Variants in ACADSB observed in about 807,000 individuals in gnomAD.
ACADSB encodes short/branched chain specific acyl-CoA dehydrogenase, mitochondrial.
Under a neutral mutation model 54.1 loss-of-function variants are expected in ACADSB, and 40 were observed. That is an observed-to-expected ratio of 0.74 (90% CI 0.57 to 0.96). The LOEUF (loss-of-function observed/expected upper bound fraction) is 0.96, where lower values mean the gene tolerates loss of function less well. Among genes scored for constraint, ACADSB ranks in the 40% least tolerant of loss-of-function variants. The pLI is 0.00. For missense variants in ACADSB, 530 were observed against 510.4 expected, an observed-to-expected ratio of 1.04 and a Z score of -0.37; for synonymous variants, 182 against 182.8, an observed-to-expected ratio of 1.00 and a Z score of 0.03.
chr10:123,049,034 T>C (rs942002099), intron 8 of ACADSB, among the ~76,000 whole-genome samples: 6 of 152,206 alleles, frequency 3.9e-5, no homozygotes, highest in Non-Finnish European at 7.3e-5. Flanking sequence ...TTTTTAAAAA[T>C]TTTGTGGGTA....
chr10:123,013,141 A>G (rs1850060682), intron 1 of ACADSB, among the ~76,000 whole-genome samples: 1 of 152,140 alleles, frequency 6.6e-6, no homozygotes, highest in Non-Finnish European at 1.5e-5. Flanking sequence ...CCACCAGATT[A>G]GCTAGATACA....
At chr10:123,015,368 T>A (rs1352032509) in intron 1 of ACADSB, among the ~76,000 whole-genome samples, 1 of 152,224 alleles carries the variant, frequency 6.6e-6, no homozygotes, top group Non-Finnish European at 1.5e-5. Context: ...GTTGTTGTTG[T>A]TCCTCATGCC....
At chr10:123,013,932 GC>G (rs1210650660) in intron 1 of ACADSB, among the ~76,000 whole-genome samples, 1 of 152,234 alleles carries the variant, frequency 6.6e-6, no homozygotes, top group African/African-American at 2.4e-5. Flanking sequence ...GCCTTGGCCA[GC>G]CTAGAGAAGG....
intron 1 of ACADSB, among the ~76,000 whole-genome samples, chr10:123,012,805 A>G (rs1028974810): frequency 4.6e-5 from 7 of 152,182 alleles, no homozygotes; most frequent in Admixed American, 2.0e-4. Context: ...AGAGCTAAAG[A>G]ACAAAGCTTC....
chr10:123,025,187 C>T (rs548036396), intron 1 of ACADSB, among the ~76,000 whole-genome samples: 3 of 152,292 alleles, frequency 2.0e-5, no homozygotes, highest in South Asian at 2.1e-4. Flanking sequence ...CAGGCACAGT[C>T]GCTCATGTCT....
intron 7 of ACADSB, among the ~76,000 whole-genome samples, chr10:123,045,115 G>A (rs1462084684): frequency 2.6e-5 from 3 of 113,956 alleles, no homozygotes; most frequent in South Asian, 2.9e-4. Context: ...TTACTTTAGT[G>A]TCAGTTTTGT....
chr10:123,049,237 C>A (rs1850598056), intron 8 of ACADSB, among the ~76,000 whole-genome samples: 2 of 152,226 alleles, frequency 1.3e-5, no homozygotes, highest in South Asian at 4.1e-4. Flanking sequence ...TGCATTCGTT[C>A]ATATCTTTCT....
At chr10:123,035,483 A>G (rs1433549103) in intron 2 of ACADSB, among the ~76,000 whole-genome samples, 4 of 152,216 alleles carry the variant, frequency 2.6e-5, no homozygotes, top group African/African-American at 7.2e-5. Flanking sequence ...TATGGATGTT[A>G]AGTGTATTCG....
intron 2 of ACADSB, among the ~76,000 whole-genome samples, chr10:123,035,069 C>T (rs921009441): frequency 6.6e-6 from 1 of 152,108 alleles, no homozygotes; most frequent in Non-Finnish European, 1.5e-5. Flanking sequence ...CCTGCCTCAG[C>T]CTCCTGAGTA....
chr10:123,033,992 G>A (rs1046850414), intron 1 of ACADSB, among the ~76,000 whole-genome samples: 2 of 152,166 alleles, frequency 1.3e-5, no homozygotes, highest in Admixed American at 1.3e-4. Flanking sequence ...ACAAGAGAAG[G>A]CTCTTGATAA....
intron 1 of ACADSB, among the ~76,000 whole-genome samples, chr10:123,029,302 C>T (rs937340541): frequency 4.6e-5 from 7 of 150,848 alleles, no homozygotes; most frequent in South Asian, 2.1e-4. Flanking sequence ...GCTGAAACCA[C>T]GACACTGCAC....
intron 5 of ACADSB, among the ~76,000 whole-genome samples, chr10:123,042,457 C>CTTTTT (rs60480402): frequency 9.5e-5 from 11 of 115,788 alleles, no homozygotes; most frequent in East Asian, 2.5e-4. Context: ...ATTGTTAAAA[C>CTTTTT]TTTTTTTTTT....
At position 123,053,585 on chromosome 10, in the gene ACADSB, G is replaced by A. The variant is rs185069912; in HGVS notation, c.1229-110G>A. 1.5e-3 allele frequency: 1,364 copies of A among 904,902 alleles called. 3 individuals are homozygous for A. The highest frequency in any genetic ancestry group is 1.6e-3 in the Non-Finnish European group (871 of 537,442). The allele number at this position is 904,902 out of a possible 1,614,324, so 56.1% of individuals were successfully genotyped here. ...CCATATTCAGGGGACATGAAGTGAT[G>A]TGACTAGTAACTGTTTTATAGCAAG... On this transcript the variant is annotated intron_variant, in intron 10 of 10. Transcript: ENST00000358776.
intron 8 of ACADSB, among the ~76,000 whole-genome samples, chr10:123,048,933 G>GTCTTGATC (rs951032323): frequency 1.3e-5 from 2 of 152,060 alleles, no homozygotes; most frequent in African/African-American, 4.8e-5. Flanking sequence ...TTTAACCGTG[G>GTCTTGATC]TCTTGATCTC....
chr10:123,045,147 A>T (rs1363247156), intron 7 of ACADSB, among the ~76,000 whole-genome samples: 3 of 9,744 alleles, frequency 3.1e-4, no homozygotes, highest in African/African-American at 4.1e-4. Context: ...ATATATATAT[A>T]TATATATATA....
chr10:123,011,868 T>C (rs1850040764), intron 1 of ACADSB, among the ~76,000 whole-genome samples: 1 of 151,604 alleles, frequency 6.6e-6, no homozygotes, highest in Non-Finnish European at 1.5e-5. Flanking sequence ...TTTTTTTTTT[T>C]TTAGACAAGT....
At position 123,052,386 on chromosome 10, in the gene ACADSB, T is replaced by C. The variant is rs1850644135; in HGVS notation, c.1129-675T>C. Among the ~76,000 whole-genome samples the C allele has an allele frequency of 6.6e-6, 1 of 152,154 alleles. No homozygotes were observed. The highest frequency in any genetic ancestry group is 1.5e-5 in the Non-Finnish European group (1 of 68,020). ...GCCAACAATGTGGCATGTTCAGATC[T>C]CTCTCTGACTCTGCTTCCTGTCTCC... On this transcript the variant is annotated intron_variant, in intron 9 of 10. Transcript: ENST00000358776. The surrounding 1 kb of genome is among the most constrained non-coding windows in gnomAD (Gnocchi z 4.2).
At chr10:123,021,002 C>A (rs1589733200) in intron 1 of ACADSB, among the ~76,000 whole-genome samples, 1 of 152,228 alleles carries the variant, frequency 6.6e-6, no homozygotes, top group East Asian at 1.9e-4. Flanking sequence ...AACTCCGTCT[C>A]AATAAATAAA....
intron 4 of ACADSB, 127 bp from the exon 5 acceptor site, chr10:123,041,082 A>G: frequency 7.4e-6 from 8 of 1,075,306 alleles, no homozygotes; most frequent in Non-Finnish European, 1.1e-5. Flanking sequence ...TGCTATTTTC[A>G]TAAATATAGG....
Sources: allele counts gnomAD v4.1 joint callset (sites outside exome capture counted in the v4.1 genomes callset), GRCh38; gene constraint gnomAD v4.1.1; non-coding constraint Gnocchi (gnomAD v3.1); transcripts MANE v1.5; gene names NCBI Gene and HGNC (gene_info 2026-07-23, HGNC 2026-07-21).